RASEF: variants seen among roughly 807,000 people sequenced by gnomAD.
RASEF encodes the protein RAS and EF-hand domain containing.
A neutral mutation model predicts 90.1 loss-of-function variants in RASEF; 68 were observed. The ratio of observed to expected loss-of-function variants is 0.75; its 90% CI spans 0.62 to 0.92. RASEF has a LOEUF of 0.92. RASEF is among the 40% of genes least tolerant of loss of function. The pLI is 0.00. For missense variants in RASEF, 949 were observed against 937.2 expected (o/e 1.01, Z -0.16); for synonymous variants, 331 against 345.2 (o/e 0.96, Z 0.46).
chr9:83,125,288 C>G, the RASEF span, among the ~76,000 whole-genome samples: 1 of 152,136 alleles, frequency 6.6e-6, no homozygotes, highest in African/African-American at 2.4e-5. Flanking sequence ...TGTCTAGAAG[C>G]TGGACAAGGC....
chr9:83,191,811 A>G, the RASEF span, among the ~76,000 whole-genome samples: 1 of 152,208 alleles, frequency 6.6e-6, no homozygotes, highest in Non-Finnish European at 1.5e-5. Context: ...ATTTGGAGAT[A>G]TTAACGTTAG....
At chr9:83,196,912 T>G in the RASEF span, among the ~76,000 whole-genome samples, 9 of 152,218 alleles carry the variant, frequency 5.9e-5, no homozygotes, top group African/African-American at 2.2e-4. Context: ...TACCCAACAC[T>G]TGGAACCACA....
chr9:83,119,081 C>T, the RASEF span, among the ~76,000 whole-genome samples: 1 of 147,182 alleles, frequency 6.8e-6, no homozygotes, highest in African/African-American at 2.5e-5. Flanking sequence ...GATCTCGGCC[C>T]ACTGCAATCT....
the RASEF span, among the ~76,000 whole-genome samples, chr9:83,218,708 G>T: frequency 6.6e-6 from 1 of 152,220 alleles, no homozygotes; most frequent in Admixed American, 6.5e-5. Context: ...AGATGTTTCT[G>T]AGAGCACCGC....
At chr9:83,202,367 G>A in the RASEF span, among the ~76,000 whole-genome samples, 1 of 152,178 alleles carries the variant, frequency 6.6e-6, no homozygotes, top group Non-Finnish European at 1.5e-5. Flanking sequence ...TATTCATAAT[G>A]AAAAACAATT....
intron 1 of RASEF, among the ~76,000 whole-genome samples, chr9:83,041,088 T>G (rs1829831718): frequency 6.6e-6 from 1 of 152,240 alleles, no homozygotes. Context: ...CTTGAACTCC[T>G]GACCTCAGGT....
chr9:83,087,817 T>C, the RASEF span, among the ~76,000 whole-genome samples: 1 of 152,132 alleles, frequency 6.6e-6, no homozygotes, highest in East Asian at 1.9e-4. Flanking sequence ...GTGGGTTTAG[T>C]TTGCTCTTCT....
At chr9:83,158,776 GAA>G in the RASEF span, among the ~76,000 whole-genome samples, 1 of 51,950 alleles carries the variant, frequency 1.9e-5, no homozygotes, top group African/African-American at 8.9e-5. Flanking sequence ...ACACACATAT[GAA>G]TATATATACA....
At chr9:83,059,615 C>G (rs951837174) in intron 1 of RASEF, among the ~76,000 whole-genome samples, 1 of 152,136 alleles carries the variant, frequency 6.6e-6, no homozygotes, top group Non-Finnish European at 1.5e-5. Context: ...CCTCCACCCT[C>G]AACACCCACA....
chr9:83,047,452 C>A (rs1234519861), intron 1 of RASEF, among the ~76,000 whole-genome samples: 2 of 152,106 alleles, frequency 1.3e-5, no homozygotes, highest in African/African-American at 4.8e-5. Context: ...ACTAAATTCC[C>A]TTATTTTTTA....
the RASEF span, among the ~76,000 whole-genome samples, chr9:83,094,951 G>A: frequency 6.6e-6 from 1 of 152,152 alleles, no homozygotes; most frequent in Non-Finnish European, 1.5e-5. Context: ...AGCATACGTG[G>A]GAATCTCCCT....
the RASEF span, among the ~76,000 whole-genome samples, chr9:83,093,393 G>C: frequency 1.1e-4 from 16 of 152,326 alleles, no homozygotes; most frequent in East Asian, 3.9e-4. Flanking sequence ...GCCCATGGAG[G>C]GGGTGGGAGG....
the RASEF span, among the ~76,000 whole-genome samples, chr9:83,119,721 C>T: frequency 6.6e-6 from 1 of 152,160 alleles, no homozygotes; most frequent in Non-Finnish European, 1.5e-5. Context: ...TTCCCAAGTG[C>T]TATGGGAGGG....
At chr9:83,170,443 T>A in the RASEF span, among the ~76,000 whole-genome samples, 15 of 151,900 alleles carry the variant, frequency 9.9e-5, no homozygotes, top group African/African-American at 3.4e-4. Context: ...GATTTAAAAA[T>A]ATATATATAT....
chr9:83,186,779 T>G, the RASEF span, among the ~76,000 whole-genome samples: 4 of 152,148 alleles, frequency 2.6e-5, no homozygotes, highest in African/African-American at 9.7e-5. Flanking sequence ...CTCTAAAATT[T>G]AAGGAAAAAC....
chr9:83,020,539 C>CTGGACTGGCG (rs1279698517), intron 3 of RASEF, among the ~76,000 whole-genome samples: 4 of 152,198 alleles, frequency 2.6e-5, no homozygotes, highest in African/African-American at 4.8e-5. Context: ...CAGTGACGTC[C>CTGGACTGGCG]TGGACTGGCG....
chr9:83,199,156 G>A, the RASEF span, among the ~76,000 whole-genome samples: 23 of 149,842 alleles, frequency 1.5e-4, no homozygotes, highest in Admixed American at 4.0e-4. Flanking sequence ...TTGCACATTC[G>A]GAAGTTGGAA....
the RASEF span, among the ~76,000 whole-genome samples, chr9:83,082,989 A>C: frequency 6.6e-6 from 1 of 152,220 alleles, no homozygotes; most frequent in Admixed American, 6.5e-5. Flanking sequence ...ACATACCTGT[A>C]GTAAACGAGC....
the RASEF span, among the ~76,000 whole-genome samples, chr9:83,165,554 AATC>A: frequency 1.3e-5 from 2 of 152,278 alleles, no homozygotes; most frequent in Non-Finnish European, 2.9e-5. Context: ...GAAATGAAGA[AATC>A]TAAAATCAAT....
Sources: allele counts gnomAD v4.1 joint callset (sites outside exome capture counted in the v4.1 genomes callset), GRCh38; gene constraint gnomAD v4.1.1; transcripts MANE v1.5; gene names NCBI Gene and HGNC (gene_info 2026-07-23, HGNC 2026-07-21).